The following EPHB1 variants were observed in gnomAD, a reference collection of about 807,000 sequenced individuals.
EPHB1 encodes EPH receptor B1, also known as ephrin type-B receptor 1.
In EPHB1, 30 loss-of-function variants were observed where a neutral mutation model predicts 94.4. The ratio of observed to expected loss-of-function variants is 0.32; its 90% CI spans 0.24 to 0.43. The LOEUF is 0.43. Ranked by LOEUF, EPHB1 falls within the 20% of genes least tolerant of loss-of-function variation. The pLI is 1.00. For synonymous variants in EPHB1, 522 were observed against 489.1 expected, an observed-to-expected ratio of 1.07 and a Z score of -0.89; for missense variants, 1,055 against 1,308.3, an observed-to-expected ratio of 0.81 and a Z score of 2.99.
At chr3:135,106,257 A>T (rs1262816443) in intron 3 of EPHB1, among the ~76,000 whole-genome samples, 191 bp from the exon 4 acceptor site, 1 of 152,216 alleles carries the variant, frequency 6.6e-6, no homozygotes, top group Non-Finnish European at 1.5e-5. Flanking sequence ...CCAAGAAGAT[A>T]TATTTCACAA....
chr3:135,126,613 T>G (rs1376479224), intron 4 of EPHB1, among the ~76,000 whole-genome samples: 4 of 152,194 alleles, frequency 2.6e-5, no homozygotes, highest in Non-Finnish European at 5.9e-5. Context: ...AAGTGCTTGC[T>G]GGGGCTAGGT....
intron 3 of EPHB1, among the ~76,000 whole-genome samples, chr3:135,091,522 G>A (rs1037983976): frequency 1.3e-5 from 2 of 152,202 alleles, no homozygotes; most frequent in African/African-American, 2.4e-5. Flanking sequence ...GAGAGGTAGT[G>A]ACAGTATCTG....
rs766139182 is a variant in EPHB1 at position 135,192,655 on chromosome 3, G to A, written c.1962G>A (p.Lys654=). Residue 654 remains lysine (K), a synonymous_variant, in exon 11 of 16, where the codon AAG becomes AAA. Coordinates refer to ENST00000398015, the MANE Select transcript of EPHB1 (RefSeq NM_004441.5). ...TCTACGTGGCCATCAAGACCCTGAA[G>A]GCAGGGTACTCGGAGAAGCAGCGTC... The part of the protein sequence containing the change: ...REIYVAIKTL[K]AGYSEKQRRD... The A allele has an allele frequency of 2.5e-6, 4 of 1,614,206 alleles. No individual in the cohort carries two copies. Among genetic ancestry groups the A allele is most frequent in the Non-Finnish European group, 2.5e-6 (3 of 1,180,032 alleles).
intron 5 of EPHB1, 30 bp from the exon 6 acceptor site, chr3:135,154,122 C>T (rs1941282103): frequency 1.2e-6 from 2 of 1,613,356 alleles, no homozygotes; most frequent in East Asian, 2.2e-5. Context: ...AGTGTCTGTT[C>T]AGCTACCCTG....
At chr3:135,136,810 A>T (rs1940636714) in intron 5 of EPHB1, among the ~76,000 whole-genome samples, 1 of 152,208 alleles carries the variant, frequency 6.6e-6, no homozygotes, top group African/African-American at 2.4e-5. Context: ...GTCATGAATT[A>T]TGCAAGCTCA....
rs151336394 is a variant in EPHB1, at chr3:134,807,494, A to AGTGTGTGTGT, written c.58+11827_58+11836dup. ...TAGAGTGGGAAGGATTTGGGGAAGG[A>AGTGTGTGTGT]GTGTGTGTGTGTGTGTGTGTGTGTG... On this transcript the variant is annotated intron_variant, in intron 1 of 15. Coordinates refer to ENST00000398015, the MANE Select transcript of EPHB1 (RefSeq NM_004441.5). 2.1e-3 allele frequency among the ~76,000 whole-genome samples: 295 copies of AGTGTGTGTGT among 138,828 alleles called. 1 individual carries two copies. Among genetic ancestry groups the AGTGTGTGTGT allele is most frequent in the South Asian group, 0.01 (42 of 4,142 alleles). 91.1% of individuals were successfully genotyped at this position (138,828 alleles called of 152,430 possible).
chr3:135,149,596 A>C (rs934387555), intron 5 of EPHB1, among the ~76,000 whole-genome samples: 1 of 152,262 alleles, frequency 6.6e-6, no homozygotes, highest in Non-Finnish European at 1.5e-5. Flanking sequence ...TGGAGAGGGA[A>C]AAACCAAATT....
rs538774505 is a variant in EPHB1 at position 135,154,040 on chromosome 3, G to A, written c.1298-112G>A. On this transcript the variant is annotated intron_variant, in intron 5 of 15. Coordinates refer to ENST00000398015, the MANE Select transcript of EPHB1 (RefSeq NM_004441.5). ...GTCCAGCTCAGCTGATGATAAAGAA[G>A]GAGCAGAGTTCAAGCCGAATGCCAT... The A allele has an allele frequency of 3.5e-6, 5 of 1,417,900 alleles. No homozygotes were observed. The African/African-American group carries it at 7.1e-5, about 20-fold the overall frequency. The allele number at this position is 1,417,900 out of a possible 1,614,324, so 87.8% of individuals were successfully genotyped here. A position where few individuals can be genotyped will look rare whatever the true frequency, so the allele number is the denominator to read the frequency against.
chr3:134,823,112 A>G (rs1454953690), intron 1 of EPHB1, among the ~76,000 whole-genome samples: 1 of 152,342 alleles, frequency 6.6e-6, no homozygotes, highest in East Asian at 1.9e-4. Flanking sequence ...TAAAAGCTCC[A>G]CTGGCTTTGC....
chr3:134,940,787 G>T (rs1412445606), intron 2 of EPHB1, among the ~76,000 whole-genome samples: 1 of 152,132 alleles, frequency 6.6e-6, no homozygotes, highest in African/African-American at 2.4e-5. Context: ...TTCATGCTTT[G>T]GTTAACTCTA....
At chr3:134,900,864 T>C (rs1209214554) in intron 1 of EPHB1, among the ~76,000 whole-genome samples, 1 of 152,118 alleles carries the variant, frequency 6.6e-6, no homozygotes, top group Non-Finnish European at 1.5e-5. Context: ...ATACATTGTG[T>C]TGGAAGGTCT....
Position 135,192,764 on chromosome 3 carries a change from C to T in EPHB1, c.2071C>T (p.Arg691Trp), listed in dbSNP as rs767340477. ...IRLEGVVTKS[R>W]PVMIITEFME... ...CCTGGAGGGTGTGGTCACCAAGAGT[C>T]GGCCTGTCATGATCATCACAGAGTT... is the stretch of plus-strand genomic sequence containing the variant. The change falls in exon 11 of 16, where the codon CGG becomes TGG. Residue 691 changes from arginine to tryptophan, a missense_variant. Transcript: ENST00000398015. 4.3e-6 allele frequency: 7 copies of T among 1,614,020 alleles called. No individual in the cohort carries two copies. Among genetic ancestry groups the T allele is most frequent in the East Asian group, 2.2e-5 (1 of 44,888 alleles).
chr3:135,037,367 A>T (rs1484010777), intron 3 of EPHB1, among the ~76,000 whole-genome samples: 1 of 152,200 alleles, frequency 6.6e-6, no homozygotes, highest in Non-Finnish European at 1.5e-5. Context: ...ATCCTCAGGG[A>T]GACGTCCCTT....
chr3:134,806,910 G>C (rs1386964934), intron 1 of EPHB1, among the ~76,000 whole-genome samples: 2 of 152,176 alleles, frequency 1.3e-5, no homozygotes, highest in Non-Finnish European at 2.9e-5. Flanking sequence ...GAGAGTGATG[G>C]GCGCAGGCTT....
intron 5 of EPHB1, among the ~76,000 whole-genome samples, chr3:135,151,612 A>G (rs1200688358): frequency 6.6e-6 from 1 of 152,140 alleles, no homozygotes; most frequent in Non-Finnish European, 1.5e-5. Context: ...TAGAAATTTT[A>G]TTTTGTTCAC....
At chr3:135,185,273 T>C (rs1259207307) in intron 10 of EPHB1, among the ~76,000 whole-genome samples, 7 of 152,174 alleles carry the variant, frequency 4.6e-5, no homozygotes, top group Admixed American at 3.9e-4. Flanking sequence ...CCGGGTTTCC[T>C]TGGGGATGAT....
At chr3:134,905,990 T>A (rs2038315938) in intron 1 of EPHB1, among the ~76,000 whole-genome samples, 1 of 152,210 alleles carries the variant, frequency 6.6e-6, no homozygotes, top group Admixed American at 6.5e-5. Flanking sequence ...GTGGTTTCCA[T>A]AAGATCAGAG....
chr3:135,140,674 A>G (rs9813044), intron 5 of EPHB1, among the ~76,000 whole-genome samples: 152,075 of 152,226 alleles, frequency 1, 75,962 homozygotes, highest in East Asian at 1. Context: ...ATGTTCTGTG[A>G]GAGTTGCTCT....
At chr3:135,008,046 G>C (rs1043291560) in intron 3 of EPHB1, among the ~76,000 whole-genome samples, 1 of 152,200 alleles carries the variant, frequency 6.6e-6, no homozygotes, top group Non-Finnish European at 1.5e-5. Context: ...AACTGAGATT[G>C]TGGGAGGAGG....
Sources: allele counts gnomAD v4.1 joint callset (sites outside exome capture counted in the v4.1 genomes callset), GRCh38; gene constraint gnomAD v4.1.1; transcripts MANE v1.5; gene names NCBI Gene and HGNC (gene_info 2026-07-23, HGNC 2026-07-21).